STYK1: variants seen among roughly 807,000 people sequenced by gnomAD.
STYK1 encodes the protein STY kinase 1, also known as tyrosine-protein kinase STYK1.
In STYK1, 46 loss-of-function variants were observed where a neutral mutation model predicts 48.1. That is an observed-to-expected ratio of 0.96 (90% CI 0.75 to 1.22). The LOEUF (loss-of-function observed/expected upper bound fraction) is 1.22, where lower values mean the gene tolerates loss of function less well. Ranked by LOEUF, STYK1 falls within the 50% of genes most tolerant of loss-of-function variation. STYK1 has a pLI of 0.00. For missense variants in STYK1, 527 were observed against 521.1 expected (o/e 1.01, Z -0.11); for synonymous variants, 188 against 189.0 (o/e 0.99, Z 0.04).
intron 10 of STYK1, among the ~76,000 whole-genome samples, chr12:10,621,103 A>G (rs1359628516): frequency 6.6e-6 from 1 of 152,204 alleles, no homozygotes; most frequent in Non-Finnish European, 1.5e-5. Context: ...TTACCCATTC[A>G]ATGATAAAAA....
chr12:10,621,161 G>C (rs1322724820), intron 10 of STYK1, among the ~76,000 whole-genome samples: 2 of 152,270 alleles, frequency 1.3e-5, no homozygotes, highest in East Asian at 3.9e-4. Flanking sequence ...TATATTCTCT[G>C]CTGCCTCCGT....
chr12:10,660,738 T>C (rs1341656375), intron 1 of STYK1, among the ~76,000 whole-genome samples: 1 of 152,176 alleles, frequency 6.6e-6, no homozygotes, highest in African/African-American at 2.4e-5. Flanking sequence ...CTAATTATAA[T>C]GTATTAGCGT....
intron 10 of STYK1, 44 bp downstream of exon 10, chr12:10,621,832 A>C: frequency 6.4e-7 from 1 of 1,572,530 alleles, no homozygotes; most frequent in Non-Finnish European, 8.8e-7. Context: ...AGGGCTAAAC[A>C]ACATTTGGAA....
intron 1 of STYK1, among the ~76,000 whole-genome samples, chr12:10,659,391 C>T (rs1024158108): frequency 1.3e-5 from 2 of 152,178 alleles, no homozygotes; most frequent in Non-Finnish European, 2.9e-5. Flanking sequence ...TCTTTTGCAA[C>T]AGGACACAAC....
intron 8 of STYK1, among the ~76,000 whole-genome samples, chr12:10,623,183 G>A (rs1373838648): frequency 6.6e-6 from 1 of 152,042 alleles, no homozygotes; most frequent in East Asian, 1.9e-4. Context: ...GTTGAAATAG[G>A]TATTTGCCTA....
intron 6 of STYK1, among the ~76,000 whole-genome samples, chr12:10,628,042 A>G (rs1947380179): frequency 6.6e-6 from 1 of 152,218 alleles, no homozygotes; most frequent in Non-Finnish European, 1.5e-5. Flanking sequence ...GTGAGCACAC[A>G]TGTGTTCATG....
chr12:10,673,914 C>T (rs1329747032), intron 1 of STYK1, 52 bp downstream of exon 1: 1 of 152,784 alleles, frequency 6.5e-6, no homozygotes, highest in Non-Finnish European at 1.5e-5. Flanking sequence ...CATTCCCTTC[C>T]CACCTTCTTT....
chr12:10,628,155 C>T (rs979364814), intron 6 of STYK1, among the ~76,000 whole-genome samples: 4 of 152,308 alleles, frequency 2.6e-5, no homozygotes, highest in Admixed American at 2.6e-4. Flanking sequence ...AATAGCATGG[C>T]TGCTGCCTTC....
intron 2 of STYK1, among the ~76,000 whole-genome samples, chr12:10,636,381 G>A (rs1471741226): frequency 6.6e-6 from 1 of 152,232 alleles, no homozygotes; most frequent in African/African-American, 2.4e-5. Context: ...TGGCACAGAA[G>A]AGGGAACTTC....
At chr12:10,634,504 C>T (rs1947464693) in intron 3 of STYK1, 63 bp downstream of exon 3, 1 of 1,531,554 alleles carries the variant, frequency 6.5e-7, no homozygotes, top group African/African-American at 1.4e-5. Flanking sequence ...CTAGAATCTA[C>T]CGAGACCTTA....
At chr12:10,624,533 T>A (rs1418072443) in intron 8 of STYK1, 118 bp downstream of exon 8, 2 of 872,006 alleles carry the variant, frequency 2.3e-6, no homozygotes, top group Non-Finnish European at 3.7e-6. Flanking sequence ...TGAGAGTATG[T>A]CTGATTTCTA....
intron 1 of STYK1, among the ~76,000 whole-genome samples, chr12:10,656,823 A>C (rs182719592): frequency 7.9e-5 from 12 of 152,304 alleles, no homozygotes; most frequent in African/African-American, 2.9e-4. Context: ...TGAAACCACT[A>C]GAATTGAAAG....
intron 1 of STYK1, among the ~76,000 whole-genome samples, chr12:10,648,205 A>G (rs972413834): frequency 1.3e-5 from 2 of 152,214 alleles, no homozygotes; most frequent in African/African-American, 4.8e-5. Context: ...AACAAAAATT[A>G]TATTTTTGAT....
At chr12:10,654,730 G>A (rs1420588383) in intron 1 of STYK1, among the ~76,000 whole-genome samples, 1 of 152,166 alleles carries the variant, frequency 6.6e-6, no homozygotes, top group Non-Finnish European at 1.5e-5. Flanking sequence ...CTAAGATTTA[G>A]GGATTAGAGG....
At chr12:10,667,631 A>AAAAAC (rs1250729125) in intron 1 of STYK1, among the ~76,000 whole-genome samples, 1 of 152,200 alleles carries the variant, frequency 6.6e-6, no homozygotes, top group African/African-American at 2.4e-5. Flanking sequence ...CTCCATCTCA[A>AAAAAC]AAAACAAAAC....
At chr12:10,629,169 ACT>A (rs1373198596) in intron 6 of STYK1, among the ~76,000 whole-genome samples, 3 of 152,082 alleles carry the variant, frequency 2.0e-5, no homozygotes, top group African/African-American at 7.2e-5. Context: ...TGTACTGTCC[ACT>A]CTCTGCTCAT....
chr12:10,639,567 A>G (rs1458224985), intron 1 of STYK1, among the ~76,000 whole-genome samples: 1 of 152,096 alleles, frequency 6.6e-6, no homozygotes, highest in Non-Finnish European at 1.5e-5. Context: ...GGTGCATGCC[A>G]CCACACCCAG....
chr12:10,652,648 T>G (rs1311802784), intron 1 of STYK1, among the ~76,000 whole-genome samples: 1 of 152,210 alleles, frequency 6.6e-6, no homozygotes, highest in East Asian at 1.9e-4. Flanking sequence ...TCACAGACTT[T>G]CAAGCCAACT....
intron 4 of STYK1, 34 bp from the exon 5 acceptor site, chr12:10,631,342 C>G: frequency 6.2e-7 from 1 of 1,601,798 alleles, no homozygotes; most frequent in Non-Finnish European, 8.5e-7. Context: ...CCAGTTTTTC[C>G]CCGCCCTGGG....
Sources: allele counts gnomAD v4.1 joint callset (sites outside exome capture counted in the v4.1 genomes callset), GRCh38; gene constraint gnomAD v4.1.1; transcripts MANE v1.5; gene names NCBI Gene and HGNC (gene_info 2026-07-23, HGNC 2026-07-21).